MCUB: variants seen among roughly 807,000 people sequenced by gnomAD.
The protein encoded by MCUB is mitochondrial calcium uniporter dominant negative subunit beta, also known as calcium uniporter regulatory subunit MCUb, mitochondrial.
In MCUB, 46 loss-of-function variants were observed where a neutral mutation model predicts 41.4. The ratio of observed to expected loss-of-function variants is 1.11; its 90% CI spans 0.88 to 1.42. The LOEUF (loss-of-function observed/expected upper bound fraction) is 1.42, where lower values mean the gene tolerates loss of function less well. Among genes scored for constraint, MCUB ranks in the 40% most tolerant of loss-of-function variants. The pLI is 0.00. For missense variants in MCUB, 403 were observed against 404.9 expected, an observed-to-expected ratio of 1.00 and a Z score of 0.04; for synonymous variants, 148 against 148.2, an observed-to-expected ratio of 1.00 and a Z score of 0.01.
chr4:109,627,920 A>C (rs1315271256), intron 1 of MCUB, among the ~76,000 whole-genome samples: 1 of 150,780 alleles, frequency 6.6e-6, no homozygotes, highest in African/African-American at 2.4e-5. Flanking sequence ...CTCAGAAGAA[A>C]AAAAAAAAAA....
chr4:109,652,395 C>T (rs926745488), intron 1 of MCUB, among the ~76,000 whole-genome samples: 3 of 152,166 alleles, frequency 2.0e-5, no homozygotes, highest in African/African-American at 7.2e-5. Flanking sequence ...ACCTGAAAAA[C>T]TCATTTCTTT....
At chr4:109,626,864 C>T (rs563695601) in intron 1 of MCUB, among the ~76,000 whole-genome samples, 20 of 149,146 alleles carry the variant, frequency 1.3e-4, no homozygotes, top group East Asian at 1.2e-3. Context: ...GGATAGCGTT[C>T]GTACTTGCAA....
chr4:109,658,929 A>T, intron 1 of MCUB, 82 bp from the exon 2 acceptor site: 1 of 826,712 alleles, frequency 1.2e-6, no homozygotes, highest in Non-Finnish European at 2.0e-6. Flanking sequence ...TATTAAAAAG[A>T]ATCTTATGGT....
At chr4:109,578,775 C>T (rs868233391) in intron 1 of MCUB, among the ~76,000 whole-genome samples, 35 of 151,904 alleles carry the variant, frequency 2.3e-4, no homozygotes, top group African/African-American at 7.3e-4. Flanking sequence ...CAAAGAATCT[C>T]ATGCTTTCAA....
intron 1 of MCUB, among the ~76,000 whole-genome samples, chr4:109,574,717 C>T (rs1346489179): frequency 6.6e-6 from 1 of 152,156 alleles, no homozygotes; most frequent in Non-Finnish European, 1.5e-5. Context: ...AGCTGTTGTG[C>T]AGTACTTGAA....
chr4:109,631,123 G>C (rs1447151609), intron 1 of MCUB, among the ~76,000 whole-genome samples: 2 of 152,188 alleles, frequency 1.3e-5, no homozygotes, highest in Non-Finnish European at 2.9e-5. Context: ...AGTATAATTT[G>C]CCATAGAGGA....
chr4:109,656,354 C>CTTTTTTTTTTT (rs752851425), intron 1 of MCUB, among the ~76,000 whole-genome samples: 4 of 62,116 alleles, frequency 6.4e-5, no homozygotes, highest in African/African-American at 1.1e-4. Context: ...TTACTCTCTA[C>CTTTTTTTTTTT]TTTTTTTTTT....
chr4:109,600,286 G>T (rs570776961), intron 1 of MCUB, among the ~76,000 whole-genome samples: 3 of 152,046 alleles, frequency 2.0e-5, no homozygotes, highest in Admixed American at 2.0e-4. Flanking sequence ...CCTGTACTTC[G>T]TTTCTTTTTG....
intron 1 of MCUB, among the ~76,000 whole-genome samples, chr4:109,579,917 G>GT (rs1278788008): frequency 6.6e-6 from 1 of 152,120 alleles, no homozygotes. Flanking sequence ...AAGTTCTAGG[G>GT]TACATGTGCA....
intron 1 of MCUB, among the ~76,000 whole-genome samples, chr4:109,617,357 C>A (rs1175884671): frequency 2.0e-5 from 3 of 152,150 alleles, no homozygotes; most frequent in Non-Finnish European, 2.9e-5. Flanking sequence ...GTTTTTAGCA[C>A]CCATCAGTCA....
chr4:109,605,483 A>G (rs942085537), intron 1 of MCUB, among the ~76,000 whole-genome samples: 1 of 152,204 alleles, frequency 6.6e-6, no homozygotes, highest in Non-Finnish European at 1.5e-5. Context: ...CATGTGCTGA[A>G]GAGAAGATTG....
chr4:109,668,201 G>T (rs1441478672), intron 4 of MCUB, among the ~76,000 whole-genome samples: 1 of 151,922 alleles, frequency 6.6e-6, no homozygotes, highest in Non-Finnish European at 1.5e-5. Context: ...TTTTCTGCTT[G>T]GCAGATCTGT....
In MCUB at chr4:109,687,952, G is replaced by T. The variant is rs5030605; in HGVS notation, c.*360G>T. 1,387 of 169,152 alleles carry T rather than the reference G, an allele frequency of 8.2e-3. 31 individuals carry two copies. Among genetic ancestry groups the T allele is most frequent in the African/African-American group, 0.03 (1,276 of 42,136 alleles). The allele number at this position is 169,152 out of a possible 1,614,324, so 10.5% of individuals were successfully genotyped here. ...TCCTTTTAAAAAAATCAGAGACCAG[G>T]TCTTGCCAAATCAAACTCCTGGGCT... On this transcript the variant is annotated 3_prime_UTR_variant, in exon 8 of 8. Coordinates refer to ENST00000394650, the MANE Select transcript of MCUB (RefSeq NM_017918.5).
intron 1 of MCUB, among the ~76,000 whole-genome samples, chr4:109,656,354 CTTTTTTTTTTTTTTTTT>C (rs752851425): frequency 7.9e-4 from 49 of 62,116 alleles, no homozygotes; most frequent in African/African-American, 1.9e-3. Flanking sequence ...TTACTCTCTA[CTTTTTTTTTTTTTTTTT>C]TTTTTTTTTT....
intron 4 of MCUB, 69 bp from the exon 5 acceptor site, chr4:109,682,513 A>G: frequency 3.2e-6 from 4 of 1,248,126 alleles, no homozygotes; most frequent in Non-Finnish European, 4.5e-6. Context: ...AGAATTGGGG[A>G]CCGAAAGATT....
intron 3 of MCUB, among the ~76,000 whole-genome samples, chr4:109,660,902 T>C (rs1252648611): frequency 2.0e-5 from 3 of 152,216 alleles, no homozygotes; most frequent in South Asian, 4.1e-4. Flanking sequence ...TTCAGTTACT[T>C]ATTTTATAAA....
At chr4:109,668,901 T>C (rs1425687508) in intron 4 of MCUB, among the ~76,000 whole-genome samples, 1 of 152,066 alleles carries the variant, frequency 6.6e-6, no homozygotes, top group Non-Finnish European at 1.5e-5. Flanking sequence ...TCACGGCTAG[T>C]GCAAATACCT....
chr4:109,578,965 C>T (rs1727100689), intron 1 of MCUB, among the ~76,000 whole-genome samples: 1 of 152,160 alleles, frequency 6.6e-6, no homozygotes, highest in Admixed American at 6.5e-5. Context: ...ATTCTACTTT[C>T]CTTCTGTTTA....
intron 1 of MCUB, among the ~76,000 whole-genome samples, chr4:109,599,673 A>T (rs1233805760): frequency 4.7e-5 from 7 of 148,816 alleles, no homozygotes; most frequent in Non-Finnish European, 7.4e-5. Flanking sequence ...GTTAATATTT[A>T]TTTATTTATT....
Sources: allele counts gnomAD v4.1 joint callset (sites outside exome capture counted in the v4.1 genomes callset), GRCh38; gene constraint gnomAD v4.1.1; transcripts MANE v1.5; gene names NCBI Gene and HGNC (gene_info 2026-07-23, HGNC 2026-07-21).